ANKRD45: variants seen among roughly 807,000 people sequenced by gnomAD.
ANKRD45 encodes the protein ankyrin repeat domain-containing protein 45.
Under a neutral mutation model 28.1 loss-of-function variants are expected in ANKRD45, and 21 were observed. The observed-to-expected ratio is 0.75, with a 90% CI of 0.53 to 1.08. ANKRD45 has a LOEUF of 1.08. Among genes scored for constraint, ANKRD45 ranks in the 50% least tolerant of loss-of-function variants. The pLI, the probability that ANKRD45 is intolerant of heterozygous loss-of-function variation, is 0.00. For synonymous variants in ANKRD45, 86 were observed against 103.9 expected, an observed-to-expected ratio of 0.83 and a Z score of 1.05; for missense variants, 261 against 308.7, an observed-to-expected ratio of 0.85 and a Z score of 1.16.
At chr1:173,687,826 G>A in the ANKRD45 span, among the ~76,000 whole-genome samples, 1 of 152,008 alleles carries the variant, frequency 6.6e-6, no homozygotes, top group South Asian at 2.1e-4. Context: ...AATACCGATT[G>A]TGTCTTCTTC....
At chr1:173,663,088 CACA>C (rs1669857633) in intron 1 of ANKRD45, among the ~76,000 whole-genome samples, 1 of 142,938 alleles carries the variant, frequency 7.0e-6, no homozygotes, top group African/African-American at 2.8e-5. Flanking sequence ...CACACACACA[CACA>C]CCTTCTTTAA....
intron 5 of ANKRD45, among the ~76,000 whole-genome samples, chr1:173,617,129 A>G (rs924508337): frequency 6.6e-6 from 1 of 152,086 alleles, no homozygotes; most frequent in African/African-American, 2.4e-5. Context: ...ACCTATGTGG[A>G]GTCTTGGCAA....
upstream of ANKRD45, among the ~76,000 whole-genome samples, chr1:173,670,140 T>C (rs1670207134): frequency 6.6e-6 from 1 of 152,240 alleles, no homozygotes; most frequent in Admixed American, 6.5e-5. Context: ...TTCTAAAAAC[T>C]ACAAAAGATT....
the ANKRD45 span, among the ~76,000 whole-genome samples, chr1:173,713,804 A>T: frequency 1.4e-4 from 22 of 152,066 alleles, no homozygotes; most frequent in Non-Finnish European, 3.1e-4. Flanking sequence ...ACTACCTTTG[A>T]AAAGAAACCT....
chr1:173,626,838 C>T (rs529906105), intron 4 of ANKRD45, among the ~76,000 whole-genome samples: 122 of 152,142 alleles, frequency 8.0e-4, no homozygotes, highest in Middle Eastern at 3.4e-3. Context: ...ATACTTAGTA[C>T]ATCTCTATGT....
intron 3 of ANKRD45, among the ~76,000 whole-genome samples, chr1:173,631,084 C>T (rs1668178701): frequency 6.6e-6 from 1 of 151,876 alleles, no homozygotes; most frequent in East Asian, 1.9e-4. Context: ...AAGAAACACA[C>T]TTCACCTGTA....
Position 173,608,908 on chromosome 1 carries a change from A to AAGAGAGGGGAGGGGAGAGGAGGGGAGG in ANKRD45, c.*1236_*1237insCCTCCCCTCCTCTCCCCTCCCCTCTCT, listed in dbSNP as rs1553263073. ...GGGAGGGGAGGGGAGAGGAAGGGAG[A>AAGAGAGGGGAGGGGAGAGGAGGGGAGG]GGAAGGGAGGGGAAGGGAGGGGAAG... On this transcript the variant is annotated 3_prime_UTR_variant, in exon 6 of 6. Coordinates refer to ENST00000333279, the MANE Select transcript of ANKRD45 (RefSeq NM_198493.3). Among the ~76,000 whole-genome samples, 1 of 44,902 alleles carries AAGAGAGGGGAGGGGAGAGGAGGGGAGG rather than the reference A, an allele frequency of 2.2e-5. No individual in the cohort carries two copies. The highest frequency in any genetic ancestry group is 1.4e-4 in the African/African-American group (1 of 7,148). 29.5% of individuals were successfully genotyped at this position (44,902 alleles called of 152,430 possible).
chr1:173,652,273 A>G (rs919181765), intron 2 of ANKRD45, among the ~76,000 whole-genome samples: 1 of 152,224 alleles, frequency 6.6e-6, no homozygotes, highest in African/African-American at 2.4e-5. Context: ...ACATTCCATC[A>G]ATAACTAGTT....
At chr1:173,686,398 CTT>C in the ANKRD45 span, among the ~76,000 whole-genome samples, 1 of 152,084 alleles carries the variant, frequency 6.6e-6, no homozygotes, top group Non-Finnish European at 1.5e-5. Flanking sequence ...ATGGTGCTTT[CTT>C]GACTTGGGTG....
At chr1:173,678,092 CA>C in the ANKRD45 span, among the ~76,000 whole-genome samples, 9 of 151,804 alleles carry the variant, frequency 5.9e-5, no homozygotes, top group Admixed American at 5.9e-4. Flanking sequence ...ATGGTGAAAC[CA>C]AAAAAAGTCC....
At chr1:173,670,289 T>C (rs982926240), upstream of ANKRD45, among the ~76,000 whole-genome samples, 2 of 152,172 alleles carry the variant, frequency 1.3e-5, no homozygotes, top group Non-Finnish European at 2.9e-5. Flanking sequence ...ACTTGGAGAC[T>C]ATATCCCTCT....
At chr1:173,690,857 C>A in the ANKRD45 span, among the ~76,000 whole-genome samples, 1 of 152,098 alleles carries the variant, frequency 6.6e-6, no homozygotes, top group Non-Finnish European at 1.5e-5. Flanking sequence ...CTGGAAATTT[C>A]TCACCTTTTG....
upstream of ANKRD45, among the ~76,000 whole-genome samples, chr1:173,671,378 G>A (rs543497529): frequency 2.0e-5 from 3 of 152,298 alleles, 1 homozygote; most frequent in African/African-American, 7.2e-5. Context: ...AAATGGTGGA[G>A]TTTAACTGGT....
chr1:173,613,848 G>T (rs1434782634), intron 5 of ANKRD45, among the ~76,000 whole-genome samples: 1 of 152,248 alleles, frequency 6.6e-6, no homozygotes, highest in Non-Finnish European at 1.5e-5. Flanking sequence ...GTGGGGAAAA[G>T]ATAGAGAAAT....
At chr1:173,619,789 T>C (rs1303500312) in intron 5 of ANKRD45, among the ~76,000 whole-genome samples, 1 of 150,918 alleles carries the variant, frequency 6.6e-6, no homozygotes, top group Admixed American at 6.6e-5. Context: ...GATTGCACAA[T>C]TGTACTCCAG....
chr1:173,646,215 A>G (rs1487382393), intron 3 of ANKRD45, among the ~76,000 whole-genome samples: 1 of 152,210 alleles, frequency 6.6e-6, no homozygotes, highest in Non-Finnish European at 1.5e-5. Context: ...AAATAGTACT[A>G]TTTTTTGAAC....
At chr1:173,675,223 AT>A in the ANKRD45 span, 1 of 238,376 alleles carries the variant, frequency 4.2e-6, no homozygotes, top group Non-Finnish European at 8.6e-6. Flanking sequence ...AAAAAAAAGT[AT>A]AGCTTAGTTT....
At chr1:173,662,537 A>G (rs1169931514) in intron 1 of ANKRD45, among the ~76,000 whole-genome samples, 1 of 152,286 alleles carries the variant, frequency 6.6e-6, no homozygotes, top group Non-Finnish European at 1.5e-5. Flanking sequence ...TCAGCAGCTC[A>G]AAAATATAGA....
chr1:173,617,688 A>G (rs1379462125), intron 5 of ANKRD45, among the ~76,000 whole-genome samples: 1 of 152,226 alleles, frequency 6.6e-6, no homozygotes, highest in Non-Finnish European at 1.5e-5. Context: ...TTCAGTCAAC[A>G]GCCTTTCGGC....
Sources: gnomAD v4.1 joint callset for allele counts (sites outside exome capture counted in the v4.1 genomes callset) on GRCh38, gnomAD v4.1.1 for gene constraint, MANE v1.5 for transcripts, NCBI Gene and HGNC (gene_info 2026-07-23, HGNC 2026-07-21) for gene names.